L3HYPDH: variants seen among roughly 807,000 people sequenced by gnomAD.
L3HYPDH encodes trans-L-3-hydroxyproline dehydratase.
A neutral mutation model predicts 26.5 loss-of-function variants in L3HYPDH; 32 were observed. The ratio of observed to expected loss-of-function variants is 1.21; its 90% CI spans 0.91 to 1.62. The LOEUF (loss-of-function observed/expected upper bound fraction) is 1.62, where lower values mean the gene tolerates loss of function less well. Ranked by LOEUF, L3HYPDH falls within the 40% of genes most tolerant of loss-of-function variation. The pLI is 0.00. For synonymous variants in L3HYPDH, 215 were observed against 196.6 expected (o/e 1.09, Z -0.78); for missense variants, 554 against 476.4 (o/e 1.16, Z -1.52).
intron 2 of L3HYPDH, among the ~76,000 whole-genome samples, chr14:59,476,546 T>A (rs1165720470): frequency 6.6e-6 from 1 of 152,168 alleles, no homozygotes; most frequent in African/African-American, 2.4e-5. Flanking sequence ...GGATGGTCAA[T>A]CCACAGGCTG....
At chr14:59,467,739 G>A (rs1889230375), downstream of L3HYPDH, among the ~76,000 whole-genome samples, 1 of 152,146 alleles carries the variant, frequency 6.6e-6, no homozygotes, top group African/African-American at 2.4e-5. Context: ...TCAAATGGGT[G>A]CATGATCTTC....
chr14:59,493,288 A>G, the L3HYPDH span, among the ~76,000 whole-genome samples: 28 of 152,304 alleles, frequency 1.8e-4, no homozygotes, highest in Admixed American at 1.4e-3. Context: ...ACCAAGGCAC[A>G]CCTGTTAACA....
At chr14:59,471,471 G>A (rs192752657), downstream of L3HYPDH, among the ~76,000 whole-genome samples, 3 of 152,264 alleles carry the variant, frequency 2.0e-5, no homozygotes, top group Non-Finnish European at 4.4e-5. Flanking sequence ...ACCACGGGTA[G>A]GGCAGGAATA....
At chr14:59,503,257 C>T in the L3HYPDH span, among the ~76,000 whole-genome samples, 5 of 152,172 alleles carry the variant, frequency 3.3e-5, no homozygotes, top group African/African-American at 9.7e-5. Flanking sequence ...AAGTTAGTAA[C>T]TAACCTGTTG....
chr14:59,469,121 C>G (rs1009637918), downstream of L3HYPDH, among the ~76,000 whole-genome samples: 2 of 152,154 alleles, frequency 1.3e-5, no homozygotes, highest in East Asian at 3.8e-4. Context: ...AACAGATCAA[C>G]TTCAGTTTTC....
the L3HYPDH span, among the ~76,000 whole-genome samples, chr14:59,502,247 A>ATT: frequency 6.6e-6 from 1 of 152,182 alleles, no homozygotes; most frequent in African/African-American, 2.4e-5. Flanking sequence ...AATGGCTCTG[A>ATT]TTTAAGAACT....
upstream of L3HYPDH, chr14:59,486,622 CTG>C (rs908528639): frequency 3.3e-5 from 28 of 845,112 alleles, no homozygotes; most frequent in African/African-American, 2.1e-4. Context: ...AAATTTGAAA[CTG>C]TTATTTTTGC....
At chr14:59,498,680 T>C in the L3HYPDH span, 6 of 1,081,678 alleles carry the variant, frequency 5.5e-6, no homozygotes, top group South Asian at 1.6e-5. Flanking sequence ...ATTAAAAACA[T>C]TTTTAAAACA....
intron 1 of L3HYPDH, among the ~76,000 whole-genome samples, chr14:59,467,043 G>A (rs1889206321): frequency 6.6e-6 from 1 of 152,130 alleles, no homozygotes; most frequent in Non-Finnish European, 1.5e-5. Flanking sequence ...CTCAGATTGT[G>A]CTTAGTTTTA....
At chr14:59,466,009 C>T (rs1484276711) in intron 1 of L3HYPDH, among the ~76,000 whole-genome samples, 1 of 152,184 alleles carries the variant, frequency 6.6e-6, no homozygotes, top group Admixed American at 6.5e-5. Context: ...TCATAAAATG[C>T]AGATTCCCAG....
the L3HYPDH span, among the ~76,000 whole-genome samples, chr14:59,493,215 C>T: frequency 4.6e-5 from 7 of 152,280 alleles, no homozygotes; most frequent in Non-Finnish European, 8.8e-5. Context: ...GAAATTCACA[C>T]CTGCATGCAT....
At chr14:59,500,493 G>A in the L3HYPDH span, among the ~76,000 whole-genome samples, 7 of 152,134 alleles carry the variant, frequency 4.6e-5, no homozygotes, top group Non-Finnish European at 1.0e-4. Context: ...AAGTATTACT[G>A]TACTGTATTT....
chr14:59,498,801 A>G, the L3HYPDH span: 1 of 1,610,014 alleles, frequency 6.2e-7, no homozygotes, highest in Non-Finnish European at 8.5e-7. Flanking sequence ...CTGGTGAAGA[A>G]GATTGCATGT....
upstream of L3HYPDH, chr14:59,484,708 G>C: frequency 7.6e-7 from 1 of 1,312,990 alleles, no homozygotes. Context: ...GCGCAGGCTC[G>C]CCCCTTGACC....
chr14:59,492,834 G>A, the L3HYPDH span, among the ~76,000 whole-genome samples: 1 of 140,150 alleles, frequency 7.1e-6, no homozygotes, highest in Non-Finnish European at 1.5e-5. Context: ...GTCTTGCTCT[G>A]TTGCCCAGGC....
At chr14:59,490,411 T>C in the L3HYPDH span, among the ~76,000 whole-genome samples, 1 of 152,180 alleles carries the variant, frequency 6.6e-6, no homozygotes. Flanking sequence ...TCCAAAAAAA[T>C]CACTCCGTAT....
upstream of L3HYPDH, chr14:59,484,418 C>T: frequency 1.4e-6 from 2 of 1,390,340 alleles, no homozygotes; most frequent in Non-Finnish European, 2.0e-6. Flanking sequence ...TAACCAGCCA[C>T]GTCCGGGGGG....
chr14:59,492,265 T>G, the L3HYPDH span, among the ~76,000 whole-genome samples: 3 of 150,946 alleles, frequency 2.0e-5, no homozygotes, highest in African/African-American at 7.3e-5. Flanking sequence ...AAAAAAAAGG[T>G]AGTCAGCAGA....
the L3HYPDH span, chr14:59,495,041 T>C: frequency 1.5e-5 from 25 of 1,613,638 alleles, no homozygotes; most frequent in Admixed American, 3.0e-4. Context: ...TTCCAACACA[T>C]CACTGCATTA....
Sources: gnomAD v4.1 joint callset for allele counts (sites outside exome capture counted in the v4.1 genomes callset) on GRCh38, gnomAD v4.1.1 for gene constraint, MANE v1.5 for transcripts, NCBI Gene and HGNC (gene_info 2026-07-23, HGNC 2026-07-21) for gene names.